DCLK1: variants seen among roughly 807,000 people sequenced by gnomAD.
The protein encoded by DCLK1 is serine/threonine-protein kinase DCLK1.
Under a neutral mutation model 86.2 loss-of-function variants are expected in DCLK1, and 16 were observed. The ratio of observed to expected loss-of-function variants is 0.19; its 90% CI spans 0.13 to 0.28. The LOEUF (loss-of-function observed/expected upper bound fraction) is 0.28, where lower values mean the gene tolerates loss of function less well. Ranked by LOEUF, DCLK1 falls within the 10% of genes least tolerant of loss-of-function variation. DCLK1 has a pLI of 1.00. For synonymous variants in DCLK1, 369 were observed against 370.5 expected, an observed-to-expected ratio of 1.00 and a Z score of 0.05; for missense variants, 590 against 940.2, an observed-to-expected ratio of 0.63 and a Z score of 4.87.
intron 13 of DCLK1, among the ~76,000 whole-genome samples, chr13:35,808,743 A>C (rs1481057000): frequency 6.6e-6 from 1 of 152,112 alleles, no homozygotes; most frequent in Non-Finnish European, 1.5e-5. Context: ...AGACTGTGCC[A>C]CTGCACTCCA....
intron 3 of DCLK1, among the ~76,000 whole-genome samples, chr13:36,051,317 A>G (rs1333002305): frequency 6.6e-6 from 1 of 152,140 alleles, no homozygotes; most frequent in Admixed American, 6.5e-5. Flanking sequence ...AATGAAAAGG[A>G]CTGATGACTT....
chr13:35,894,482 G>A (rs1170648333), intron 4 of DCLK1, among the ~76,000 whole-genome samples: 1 of 152,198 alleles, frequency 6.6e-6, no homozygotes, highest in African/African-American at 2.4e-5. Context: ...GGAACAGGTG[G>A]GAGGAAAGCT....
chr13:35,821,239 T>C (rs931556521), intron 11 of DCLK1, among the ~76,000 whole-genome samples: 2 of 152,212 alleles, frequency 1.3e-5, no homozygotes, highest in African/African-American at 4.8e-5. Flanking sequence ...AGATAATGAC[T>C]GTAAAGACGT....
Position 35,838,240 on chromosome 13 carries a change from G to A in DCLK1, c.1120+852C>T, listed in dbSNP as rs200539567. On this transcript the variant is annotated intron_variant, in intron 7 of 16. Coordinates refer to ENST00000360631, the MANE Select transcript of DCLK1 (RefSeq NM_001330071.2). The stretch of plus-strand genomic sequence containing the variant: ...AAATTCTGAAGTTGCATTGTAGTCA[G>A]AAAATAATTATACTGTAAATCACAT... Among the ~76,000 whole-genome samples the A allele has an allele frequency of 7.9e-5, 12 of 152,200 alleles. No individual in the cohort carries two copies. In the East Asian group the frequency reaches 2.1e-3, roughly 27 times the overall value.
At chr13:35,867,953 G>GAAAGAA (rs1555345751) in intron 5 of DCLK1, among the ~76,000 whole-genome samples, 1 of 145,584 alleles carries the variant, frequency 6.9e-6, no homozygotes, top group Admixed American at 6.9e-5. Flanking sequence ...AAGAAAGAAA[G>GAAAGAA]AAAGAAAGAA....
chr13:35,859,333 A>G (rs985242383), intron 5 of DCLK1, among the ~76,000 whole-genome samples: 1 of 152,172 alleles, frequency 6.6e-6, no homozygotes, highest in African/African-American at 2.4e-5. Flanking sequence ...GTATAGGTAC[A>G]TTTTCTTATT....
intron 3 of DCLK1, among the ~76,000 whole-genome samples, chr13:36,015,705 A>G (rs1881513396): frequency 1.3e-5 from 2 of 152,102 alleles, no homozygotes; most frequent in Non-Finnish European, 1.5e-5. Flanking sequence ...GCTTACCTGG[A>G]ATCCATTTCT....
intron 4 of DCLK1, among the ~76,000 whole-genome samples, 179 bp downstream of exon 4, chr13:35,947,179 C>A (rs1361362195): frequency 6.6e-6 from 1 of 152,022 alleles, no homozygotes; most frequent in African/African-American, 2.4e-5. Flanking sequence ...ATTCTCATTT[C>A]ATCTGTTTTC....
intron 3 of DCLK1, among the ~76,000 whole-genome samples, chr13:36,002,086 T>C (rs922334388): frequency 6.6e-6 from 1 of 152,162 alleles, no homozygotes; most frequent in African/African-American, 2.4e-5. Flanking sequence ...AAACATATGA[T>C]AAAAAATAGC....
intron 15 of DCLK1, among the ~76,000 whole-genome samples, chr13:35,800,963 A>T (rs1444981206): frequency 1.3e-5 from 2 of 150,340 alleles, no homozygotes; most frequent in East Asian, 3.9e-4. Flanking sequence ...GCCTCAAATG[A>T]TCCACCTGCC....
intron 3 of DCLK1, among the ~76,000 whole-genome samples, chr13:35,960,221 T>C (rs1004106423): frequency 6.6e-6 from 1 of 152,154 alleles, no homozygotes; most frequent in African/African-American, 2.4e-5. Flanking sequence ...GGGCAAATCA[T>C]GGTTTCAAAA....
chr13:35,980,945 A>C (rs1402205289), intron 3 of DCLK1, among the ~76,000 whole-genome samples: 1 of 152,182 alleles, frequency 6.6e-6, no homozygotes, highest in Non-Finnish European at 1.5e-5. Context: ...GGTGTGAGCC[A>C]CCATGCCCAG....
intron 3 of DCLK1, among the ~76,000 whole-genome samples, chr13:36,033,421 G>C (rs1016237589): frequency 6.6e-6 from 1 of 152,124 alleles, no homozygotes; most frequent in African/African-American, 2.4e-5. Context: ...TAATATATAG[G>C]AGGCAGGCTG....
At chr13:36,000,486 G>A (rs1258759014) in intron 3 of DCLK1, among the ~76,000 whole-genome samples, 1 of 152,040 alleles carries the variant, frequency 6.6e-6, no homozygotes, top group Non-Finnish European at 1.5e-5. Flanking sequence ...CATTTGCAAG[G>A]CTGCATTAAG....
chr13:35,956,481 A>G (rs573593111), intron 3 of DCLK1, among the ~76,000 whole-genome samples: 8 of 152,326 alleles, frequency 5.3e-5, no homozygotes, highest in Admixed American at 4.6e-4. Flanking sequence ...ATGAAGCCAC[A>G]TAATACAGAA....
chr13:36,071,824 G>T (rs897363400), intron 3 of DCLK1, among the ~76,000 whole-genome samples: 1 of 152,060 alleles, frequency 6.6e-6, no homozygotes, highest in Non-Finnish European at 1.5e-5. Context: ...ATTGCTTTTT[G>T]GTTGTAGGGA....
chr13:35,854,347 C>T, intron 6 of DCLK1, 152 bp downstream of exon 6: 1 of 477,660 alleles, frequency 2.1e-6, no homozygotes, highest in Admixed American at 4.2e-5. Context: ...TGAGTTCTAG[C>T]TAAACCAAAG....
intron 4 of DCLK1, among the ~76,000 whole-genome samples, chr13:35,941,933 G>C (rs974683082): frequency 6.6e-6 from 1 of 152,042 alleles, no homozygotes. Context: ...AATTTCACAC[G>C]TGCTGCTGTG....
Position 35,771,554 on chromosome 13 carries a change from CAT to C in DCLK1, c.*2979_*2980del, listed in dbSNP as rs1440033236. 1 of 152,080 alleles carries C rather than the reference CAT, an allele frequency of 6.6e-6. No homozygotes were observed. The highest frequency in any genetic ancestry group is 2.4e-5 in the African/African-American group (1 of 41,406). 9.4% of individuals were successfully genotyped at this position (152,080 alleles called of 1,614,324 possible). A position where few individuals can be genotyped will look rare whatever the true frequency, so the allele number is the denominator to read the frequency against. ...AAAAATGTGTTCATTAATATGAACA[CAT>C]GTCTACAGAGATGATTTACACGATG... On this transcript the variant is annotated 3_prime_UTR_variant, in exon 17 of 17. Coordinates refer to ENST00000360631, the MANE Select transcript of DCLK1 (RefSeq NM_001330071.2).
Sources: allele counts gnomAD v4.1 joint callset (sites outside exome capture counted in the v4.1 genomes callset), GRCh38; gene constraint gnomAD v4.1.1; transcripts MANE v1.5; gene names NCBI Gene and HGNC (gene_info 2026-07-23, HGNC 2026-07-21).